MAP3K7: variants seen among roughly 807,000 people sequenced by gnomAD.
The protein encoded by MAP3K7 is TGF-beta activated kinase 1.
A neutral mutation model predicts 84.8 loss-of-function variants in MAP3K7; 21 were observed. The observed-to-expected ratio is 0.25, with a 90% CI of 0.18 to 0.36. The LOEUF (loss-of-function observed/expected upper bound fraction) is 0.36, where lower values mean the gene tolerates loss of function less well. Among genes scored for constraint, MAP3K7 ranks in the 10% least tolerant of loss-of-function variants. The pLI is 1.00. For missense variants in MAP3K7, 503 were observed against 747.7 expected, an observed-to-expected ratio of 0.67 and a Z score of 3.82; for synonymous variants, 241 against 247.7, an observed-to-expected ratio of 0.97 and a Z score of 0.25.
rs557251411 is a variant in MAP3K7, at chr6:90,521,513, G to A, written c.1462+2165C>T. On this transcript the variant is annotated intron_variant, in intron 14 of 16. Coordinates refer to ENST00000369329, the MANE Select transcript of MAP3K7 (RefSeq NM_145331.3). The stretch of plus-strand genomic sequence containing the variant: ...ATGAAAAGGCCAGAGACTATGCCAA[G>A]TCTTGTTGAACTGATTTCTCTTACA... Among the ~76,000 whole-genome samples the A allele has an allele frequency of 1.6e-4, 25 of 152,166 alleles. 1 individual carries two copies. The highest frequency in any genetic ancestry group is 1.4e-3 in the Admixed American group (22 of 15,268).
intron 15 of MAP3K7, among the ~76,000 whole-genome samples, chr6:90,518,919 C>T (rs1775059321): frequency 6.6e-6 from 1 of 151,648 alleles, no homozygotes; most frequent in Non-Finnish European, 1.5e-5. Context: ...TCACTATGAA[C>T]ATGAGAATGT....
intron 11 of MAP3K7, among the ~76,000 whole-genome samples, chr6:90,546,145 G>A (rs1033639392): frequency 1.3e-5 from 2 of 152,086 alleles, no homozygotes; most frequent in East Asian, 1.9e-4. Flanking sequence ...CTGTTATTTC[G>A]GATATTCTGT....
chr6:90,560,013 G>A (rs753115735), intron 5 of MAP3K7, 63 bp downstream of exon 5: 8 of 1,583,982 alleles, frequency 5.1e-6, no homozygotes, highest in Admixed American at 5.0e-5. Flanking sequence ...GAGTGGGTTC[G>A]GGGTGGTGAG....
intron 13 of MAP3K7, among the ~76,000 whole-genome samples, chr6:90,524,976 GAAAATAAT>G (rs1167654706): frequency 6.6e-6 from 1 of 151,696 alleles, no homozygotes; most frequent in Non-Finnish European, 1.5e-5. Context: ...AAACCAGAAA[GAAAATAAT>G]AAAATGAAGA....
chr6:90,552,844 T>C (rs1476439037), intron 7 of MAP3K7, among the ~76,000 whole-genome samples: 2 of 152,204 alleles, frequency 1.3e-5, no homozygotes, highest in African/African-American at 4.8e-5. Context: ...TGACTTAAGA[T>C]ATGAGCATTC....
intron 13 of MAP3K7, among the ~76,000 whole-genome samples, chr6:90,535,077 C>T (rs1775624673): frequency 6.7e-6 from 1 of 150,304 alleles, no homozygotes; most frequent in East Asian, 1.9e-4. Context: ...TATCACAAAA[C>T]ATAATAAATT....
Position 90,577,222 on chromosome 6 carries a change from A to G in MAP3K7, c.121-5415T>C, listed in dbSNP as rs565571492. 3.9e-5 allele frequency among the ~76,000 whole-genome samples: 6 copies of G among 152,274 alleles called. No individual in the cohort carries two copies. The East Asian group carries it at 1.2e-3, about 29-fold the overall frequency. ...CATCCAGGCAGGACAGGTGTAGAGG[A>G]AAAGAGCTGAATCAAGGAAAACACC... On this transcript the variant is annotated intron_variant, in intron 1 of 16. Transcript: ENST00000369329.
chr6:90,585,479 C>T (rs1332265020), intron 1 of MAP3K7, among the ~76,000 whole-genome samples: 1 of 152,148 alleles, frequency 6.6e-6, no homozygotes, highest in Non-Finnish European at 1.5e-5. Flanking sequence ...TAATATTTCA[C>T]TAGGTTTTTC....
rs529860719 is a variant in MAP3K7, at chr6:90,571,471, G to T, written c.231+226C>A. The stretch of plus-strand genomic sequence containing the variant: ...CATGGATGAAACTGTTTTAATTCAG[G>T]GGTGAATTCATTTATGTAGTTAAGT... On this transcript the variant is annotated intron_variant, in intron 2 of 16. Transcript: ENST00000369329. Among the ~76,000 whole-genome samples, 5 of 151,968 alleles carry T rather than the reference G, an allele frequency of 3.3e-5. No homozygotes were observed. The East Asian group carries it at 7.7e-4, about 23-fold the overall frequency.
chr6:90,564,956 C>T (rs1157636939), intron 3 of MAP3K7, among the ~76,000 whole-genome samples: 4 of 152,180 alleles, frequency 2.6e-5, no homozygotes, highest in Non-Finnish European at 5.9e-5. Flanking sequence ...GAACAATGGA[C>T]TACTGGGTAC....
At chr6:90,549,476 C>T (rs566383827) in intron 9 of MAP3K7, among the ~76,000 whole-genome samples, 32 of 152,318 alleles carry the variant, frequency 2.1e-4, no homozygotes, top group Admixed American at 1.0e-3. Context: ...CGAGTGTCAG[C>T]TTTCATTAGG....
intron 1 of MAP3K7, among the ~76,000 whole-genome samples, chr6:90,572,270 C>A (rs35946705): frequency 2.0e-5 from 3 of 151,536 alleles, no homozygotes. Context: ...GGAGGAGAAA[C>A]GATATAAATA....
intron 14 of MAP3K7, among the ~76,000 whole-genome samples, chr6:90,519,840 C>G (rs990237256): frequency 2.0e-5 from 3 of 151,892 alleles, no homozygotes; most frequent in Non-Finnish European, 4.4e-5. Context: ...CTCATCCTGC[C>G]CTTCCCAGTA....
intron 13 of MAP3K7, among the ~76,000 whole-genome samples, chr6:90,525,902 C>G (rs157709): frequency 0.72 from 109,143 of 151,780 alleles, 39,729 homozygotes; most frequent in African/African-American, 0.81. Flanking sequence ...CATATAAACA[C>G]ATAAAGTAAA....
At chr6:90,561,537 A>G in intron 4 of MAP3K7, 85 bp downstream of exon 4, 2 of 981,438 alleles carry the variant, frequency 2.0e-6, no homozygotes, top group South Asian at 3.3e-5. Flanking sequence ...CAAATTGTGA[A>G]GAATGTTAAA....
At chr6:90,554,457 C>T (rs998894017) in intron 6 of MAP3K7, among the ~76,000 whole-genome samples, 15 of 152,272 alleles carry the variant, frequency 9.9e-5, no homozygotes, top group Middle Eastern at 6.8e-3. Flanking sequence ...AAGCACCCGT[C>T]ATAATCTCCC....
chr6:90,525,950 G>C (rs1309328647), intron 13 of MAP3K7, among the ~76,000 whole-genome samples: 2 of 152,164 alleles, frequency 1.3e-5, no homozygotes, highest in Admixed American at 1.3e-4. Context: ...CTGGGCTCAA[G>C]TGATCCTCCT....
chr6:90,515,743 A>G lies in MAP3K7; in HGVS notation c.*758T>C, dbSNP rs1028461958. The G allele has an allele frequency of 5.3e-5, 8 of 151,946 alleles. No homozygotes were observed. Among genetic ancestry groups the G allele is most frequent in the African/African-American group, 1.4e-4 (6 of 41,420 alleles). The allele number at this position is 151,946 out of a possible 1,614,324, so 9.4% of individuals were successfully genotyped here. On this transcript the variant is annotated 3_prime_UTR_variant, in exon 17 of 17. Transcript: ENST00000369329. ...CATTTAAGAGATTAATATTAGAGTC[A>G]TAAAAGCTTTACAGTTTCAACACAC...
intron 5 of MAP3K7, among the ~76,000 whole-genome samples, chr6:90,558,880 ACT>A (rs1313359047): frequency 6.6e-6 from 1 of 152,004 alleles, no homozygotes; most frequent in Non-Finnish European, 1.5e-5. Flanking sequence ...ATGCGTTCAG[ACT>A]CTTTTAGGAA....
Sources: allele counts gnomAD v4.1 joint callset (sites outside exome capture counted in the v4.1 genomes callset), GRCh38; gene constraint gnomAD v4.1.1; transcripts MANE v1.5; gene names NCBI Gene and HGNC (gene_info 2026-07-23, HGNC 2026-07-21).